The following CCDC181 variants were observed in gnomAD, a reference collection of about 807,000 sequenced individuals.
CCDC181 encodes the protein coiled-coil domain-containing protein 181.
CCDC181 carries 35 observed loss-of-function variants against 58.7 expected under a neutral mutation model. The ratio of observed to expected loss-of-function variants is 0.60; its 90% CI spans 0.46 to 0.79. The LOEUF (loss-of-function observed/expected upper bound fraction) is 0.79, where lower values mean the gene tolerates loss of function less well. CCDC181 is among the 30% of genes least tolerant of loss of function. The pLI is 0.00. For missense variants in CCDC181, 517 were observed against 583.9 expected (o/e 0.89, Z 1.18); for synonymous variants, 183 against 197.5 (o/e 0.93, Z 0.62).
In CCDC181 at chr1:169,421,216, T is replaced by C. The variant is rs1272472407; in HGVS notation, c.1068+147A>G. 6.1e-6 allele frequency: 4 copies of C among 654,990 alleles called. No homozygotes were observed. The Admixed American group carries it at 1.2e-4, about 19-fold the overall frequency. 40.6% of individuals were successfully genotyped at this position (654,990 alleles called of 1,614,324 possible). On this transcript the variant is annotated intron_variant, in intron 3 of 5. Coordinates refer to ENST00000367806, the MANE Select transcript of CCDC181 (RefSeq NM_001300969.2). ...CTGTGTTCATTCCATAAATGCACAT[T>C]CTTAACACTTAATCAATCTAACAAT...
chr1:169,414,416 G>A (rs1459658476), intron 4 of CCDC181, among the ~76,000 whole-genome samples: 1 of 152,094 alleles, frequency 6.6e-6, no homozygotes, highest in Non-Finnish European at 1.5e-5. Flanking sequence ...GAAAAATGGG[G>A]GAAGACAATA....
At chr1:169,402,527 C>A (rs1655409605) in intron 4 of CCDC181, among the ~76,000 whole-genome samples, 1 of 152,116 alleles carries the variant, frequency 6.6e-6, no homozygotes, top group African/African-American at 2.4e-5. Context: ...AAAGAATTTT[C>A]AACCCAGAAT....
At chr1:169,431,921 T>G (rs1656930803), upstream of CCDC181, among the ~76,000 whole-genome samples, 1 of 152,186 alleles carries the variant, frequency 6.6e-6, no homozygotes, top group Non-Finnish European at 1.5e-5. Context: ...CCAGGGAATT[T>G]TCCTTGTTTT....
chr1:169,445,156 T>C (rs1251641981), intron 2 of CCDC181, among the ~76,000 whole-genome samples: 1 of 152,170 alleles, frequency 6.6e-6, no homozygotes, highest in Non-Finnish European at 1.5e-5. Context: ...CTGCAGATAT[T>C]TTCATAGCTG....
At chr1:169,434,979 G>T (rs746464186) in intron 2 of CCDC181, among the ~76,000 whole-genome samples, 6 of 152,058 alleles carry the variant, frequency 3.9e-5, no homozygotes, top group Non-Finnish European at 7.4e-5. Context: ...TGGGTACAAG[G>T]TGTCAGTTTT....
At chr1:169,397,750 T>TTATTA (rs1655129945) in intron 4 of CCDC181, among the ~76,000 whole-genome samples, 1 of 152,160 alleles carries the variant, frequency 6.6e-6, no homozygotes, top group Non-Finnish European at 1.5e-5. Context: ...TCAAAGTTCA[T>TTATTA]GATGGATAGT....
intron 4 of CCDC181, among the ~76,000 whole-genome samples, chr1:169,404,419 C>T (rs1455563625): frequency 2.0e-5 from 3 of 152,198 alleles, no homozygotes; most frequent in Non-Finnish European, 4.4e-5. Context: ...CAATAAAATA[C>T]TGGCAAACCA....
intron 4 of CCDC181, among the ~76,000 whole-genome samples, chr1:169,402,897 G>A (rs1357912370): frequency 2.6e-5 from 4 of 151,770 alleles, no homozygotes; most frequent in South Asian, 2.1e-4. Context: ...TCAGTGTGCT[G>A]TATTCAGGAT....
chr1:169,440,920 G>A (rs1183275332), intron 2 of CCDC181, among the ~76,000 whole-genome samples: 3 of 38,078 alleles, frequency 7.9e-5, no homozygotes, highest in African/African-American at 2.3e-4. Context: ...AGGCAACAGA[G>A]CAAGACTGTC....
chr1:169,446,061 T>C (rs191749041), intron 2 of CCDC181, among the ~76,000 whole-genome samples: 5 of 152,304 alleles, frequency 3.3e-5, no homozygotes, highest in African/African-American at 1.2e-4. Flanking sequence ...TTTGGTGTCA[T>C]TGATTTTCTC....
chr1:169,444,154 G>A (rs1011083851), intron 2 of CCDC181, among the ~76,000 whole-genome samples: 3 of 152,100 alleles, frequency 2.0e-5, no homozygotes, highest in Admixed American at 6.6e-5. Flanking sequence ...GGCAGTAAAC[G>A]GATCCAGCAA....
intron 2 of CCDC181, among the ~76,000 whole-genome samples, chr1:169,441,375 GA>G (rs1188124416): frequency 6.6e-6 from 1 of 152,132 alleles, no homozygotes; most frequent in Non-Finnish European, 1.5e-5. Flanking sequence ...GGCATTTTGG[GA>G]AAGTGCAGAA....
chr1:169,445,019 C>G (rs1657333469), intron 2 of CCDC181, among the ~76,000 whole-genome samples: 1 of 152,192 alleles, frequency 6.6e-6, no homozygotes, highest in South Asian at 2.1e-4. Flanking sequence ...CCTTCTCACC[C>G]TGTGATCTCA....
chr1:169,408,501 C>T (rs1273944163), intron 4 of CCDC181, among the ~76,000 whole-genome samples: 2 of 152,244 alleles, frequency 1.3e-5, no homozygotes, highest in Non-Finnish European at 2.9e-5. Flanking sequence ...TGCCTGCCAG[C>T]TCTGAAGAGA....
At chr1:169,396,228 T>C (rs1435419806) in intron 5 of CCDC181, 2 of 152,174 alleles carry the variant, frequency 1.3e-5, no homozygotes, top group Non-Finnish European at 2.9e-5. Context: ...GCACATTTAC[T>C]GTTTCTGTTA....
chr1:169,412,649 C>T (rs1243802045), intron 4 of CCDC181, among the ~76,000 whole-genome samples: 2 of 152,168 alleles, frequency 1.3e-5, no homozygotes, highest in Non-Finnish European at 2.9e-5. Flanking sequence ...GTAACCCAAA[C>T]AGCATGGTAC....
At chr1:169,456,873 T>A (rs1657689024) in intron 2 of CCDC181, among the ~76,000 whole-genome samples, 1 of 152,206 alleles carries the variant, frequency 6.6e-6, no homozygotes, top group Non-Finnish European at 1.5e-5. Context: ...ATGCTTATCC[T>A]TTTATCTCAT....
chr1:169,410,096 G>A (rs879638357), intron 4 of CCDC181, among the ~76,000 whole-genome samples: 63 of 151,730 alleles, frequency 4.2e-4, no homozygotes, highest in Admixed American at 1.8e-3. Context: ...CTGGCAAATC[G>A]GATAGAGTCA....
intron 4 of CCDC181, among the ~76,000 whole-genome samples, chr1:169,401,240 A>G (rs1655329848): frequency 6.6e-6 from 1 of 152,212 alleles, no homozygotes; most frequent in South Asian, 2.1e-4. Flanking sequence ...CAGCTGAACA[A>G]AAGGCAGCAG....
Sources: gnomAD v4.1 joint callset for allele counts (sites outside exome capture counted in the v4.1 genomes callset) on GRCh38, gnomAD v4.1.1 for gene constraint, MANE v1.5 for transcripts, NCBI Gene and HGNC (gene_info 2026-07-23, HGNC 2026-07-21) for gene names.